The following PACRG variants were observed in gnomAD, a reference collection of about 807,000 sequenced individuals.
PACRG encodes the protein parkin coregulated gene protein.
In PACRG, 29 loss-of-function variants were observed where a neutral mutation model predicts 29.7. That is an observed-to-expected ratio of 0.98 (90% confidence interval 0.73 to 1.33). PACRG has a LOEUF of 1.33. Ranked by LOEUF, PACRG falls within the 40% of genes most tolerant of loss-of-function variation. The pLI is 0.00. For synonymous variants in PACRG, 116 were observed against 118.7 expected (o/e 0.98, Z 0.15); for missense variants, 279 against 316.2 (o/e 0.88, Z 0.89).
intron 4 of PACRG, among the ~76,000 whole-genome samples, chr6:163,115,025 G>A (rs1483300240): frequency 3.3e-5 from 5 of 152,112 alleles, no homozygotes; most frequent in Admixed American, 6.5e-5. Flanking sequence ...AAATAAAAGA[G>A]GAAGCTTCTT....
At chr6:162,876,593 T>C (rs1194969313) in intron 2 of PACRG, among the ~76,000 whole-genome samples, 2 of 152,256 alleles carry the variant, frequency 1.3e-5, no homozygotes, top group African/African-American at 4.8e-5. Context: ...AAGTACCTTG[T>C]AGATTCTGGA....
At chr6:163,092,445 C>T (rs1814197695) in intron 4 of PACRG, among the ~76,000 whole-genome samples, 1 of 152,178 alleles carries the variant, frequency 6.6e-6, no homozygotes, top group African/African-American at 2.4e-5. Context: ...GAGCCAGCCC[C>T]ACTAGATCAT....
At chr6:162,927,055 C>G (rs1376840481) in intron 2 of PACRG, among the ~76,000 whole-genome samples, 1 of 152,078 alleles carries the variant, frequency 6.6e-6, no homozygotes, top group Non-Finnish European at 1.5e-5. Context: ...TGCAAAAAAG[C>G]TCAACATCAC....
intron 2 of PACRG, among the ~76,000 whole-genome samples, chr6:162,874,459 C>T (rs1793119327): frequency 6.6e-6 from 1 of 152,050 alleles, no homozygotes; most frequent in African/African-American, 2.4e-5. Context: ...CACAGGAGGG[C>T]AAGAAACCAG....
intron 2 of PACRG, among the ~76,000 whole-genome samples, chr6:162,869,606 T>A (rs891044967): frequency 1.3e-5 from 2 of 152,160 alleles, no homozygotes; most frequent in African/African-American, 4.8e-5. Context: ...TTTACCATGA[T>A]AAAATTAATA....
chr6:162,929,955 A>T (rs1797727396), intron 2 of PACRG, among the ~76,000 whole-genome samples: 1 of 151,906 alleles, frequency 6.6e-6, no homozygotes, highest in Non-Finnish European at 1.5e-5. Context: ...TTTTTATGCC[A>T]GTACCATGCT....
At chr6:163,028,973 G>T (rs889890624) in intron 2 of PACRG, among the ~76,000 whole-genome samples, 1 of 152,238 alleles carries the variant, frequency 6.6e-6, no homozygotes, top group Non-Finnish European at 1.5e-5. Context: ...ATGCGATTAC[G>T]TTAACAGGTC....
intron 2 of PACRG, among the ~76,000 whole-genome samples, chr6:162,963,047 A>G (rs546144255): frequency 1.4e-4 from 21 of 152,302 alleles, no homozygotes; most frequent in African/African-American, 5.1e-4. Context: ...TTTTGCTATA[A>G]TAAGATGAAG....
chr6:162,889,559 T>G (rs1794609087), intron 2 of PACRG, among the ~76,000 whole-genome samples: 1 of 152,222 alleles, frequency 6.6e-6, no homozygotes, highest in Admixed American at 6.5e-5. Flanking sequence ...CCAGTGACTT[T>G]TTAAAGTCAG....
chr6:162,856,701 T>A (rs901468154), intron 2 of PACRG, among the ~76,000 whole-genome samples: 2 of 152,222 alleles, frequency 1.3e-5, no homozygotes, highest in Non-Finnish European at 2.9e-5. Context: ...AAATAAGTAG[T>A]TGATTTTGCT....
At chr6:162,940,798 A>T (rs73605898) in intron 2 of PACRG, among the ~76,000 whole-genome samples, 2,942 of 152,180 alleles carry the variant, frequency 0.019, 109 homozygotes, top group African/African-American at 0.069. Context: ...TGACAACAAC[A>T]GTTTTTTGTC....
rs559534645 is a variant in PACRG at position 162,883,634 on chromosome 6, C to T, written c.291+69353C>T. Among the ~76,000 whole-genome samples the T allele has an allele frequency of 1.1e-4, 16 of 151,792 alleles. No individual in the cohort carries two copies. The East Asian group carries it at 2.5e-3, about 24-fold the overall frequency. On this transcript the variant is annotated intron_variant, in intron 2 of 4. Transcript: ENST00000366888. ...TCCAGTACATATGATTTATATTCAGCAGGAGCAAACATCAAGTGGTTCAGA... is the reference window on the plus strand; with the variant it reads ...TCCAGTACATATGATTTATATTCAGTAGGAGCAAACATCAAGTGGTTCAGA...
intron 2 of PACRG, chr6:163,044,678 C>T (rs775872851): frequency 1.3e-5 from 2 of 152,190 alleles, no homozygotes; most frequent in Non-Finnish European, 2.9e-5. Context: ...CACAAATACT[C>T]TAGTCCCGCG....
intron 4 of PACRG, among the ~76,000 whole-genome samples, chr6:163,143,291 C>G (rs1032035011): frequency 2.0e-5 from 3 of 152,034 alleles, no homozygotes; most frequent in Admixed American, 2.0e-4. Flanking sequence ...ATGATGGAAA[C>G]TCTTAGCAAA....
chr6:163,013,331 A>T (rs1338281308), intron 2 of PACRG, among the ~76,000 whole-genome samples: 1 of 151,626 alleles, frequency 6.6e-6, no homozygotes, highest in Non-Finnish European at 1.5e-5. Context: ...ACGCCAATGG[A>T]GTGTAAAAGT....
chr6:163,231,053 G>A (rs1782022702), intron 4 of PACRG, among the ~76,000 whole-genome samples: 1 of 152,182 alleles, frequency 6.6e-6, no homozygotes, highest in Admixed American at 6.5e-5. Context: ...GGCTCCTCTG[G>A]GCCAGCAGAG....
chr6:162,737,317 A>C (rs1780239666), intron 1 of PACRG, among the ~76,000 whole-genome samples: 1 of 152,148 alleles, frequency 6.6e-6, no homozygotes, highest in East Asian at 1.9e-4. Context: ...TCAGATTGCA[A>C]ATTGTAATCA....
intron 4 of PACRG, among the ~76,000 whole-genome samples, chr6:163,115,574 G>C (rs75409101): frequency 1.3e-5 from 2 of 151,094 alleles, no homozygotes; most frequent in Non-Finnish European, 2.9e-5. Flanking sequence ...TTATACATGA[G>C]TGAGGAAACA....
chr6:162,909,089 C>T (rs1396902625), intron 2 of PACRG, among the ~76,000 whole-genome samples: 1 of 152,208 alleles, frequency 6.6e-6, no homozygotes, highest in Non-Finnish European at 1.5e-5. Flanking sequence ...AGTCTCATCT[C>T]CCATCACTGC....
Sources: gnomAD v4.1 joint callset for allele counts (sites outside exome capture counted in the v4.1 genomes callset) on GRCh38, gnomAD v4.1.1 for gene constraint, MANE v1.5 for transcripts, NCBI Gene and HGNC (gene_info 2026-07-23, HGNC 2026-07-21) for gene names.